The following HVCN1 variants were observed in gnomAD, a reference collection of about 807,000 sequenced individuals.
HVCN1 encodes the protein hydrogen voltage gated channel 1.
HVCN1 carries 14 observed loss-of-function variants against 29.2 expected under a neutral mutation model. The ratio of observed to expected loss-of-function variants is 0.48; its 90% CI spans 0.32 to 0.75. The LOEUF is 0.75. Ranked by LOEUF, HVCN1 falls within the 30% of genes least tolerant of loss-of-function variation. HVCN1 has a pLI of 0.04. For synonymous variants in HVCN1, 131 were observed against 133.2 expected, an observed-to-expected ratio of 0.98 and a Z score of 0.11; for missense variants, 263 against 341.8, an observed-to-expected ratio of 0.77 and a Z score of 1.82.
At chr12:110,649,818 C>G (rs1341836226) in intron 7 of HVCN1, among the ~76,000 whole-genome samples, 2 of 151,554 alleles carry the variant, frequency 1.3e-5, no homozygotes, top group Non-Finnish European at 2.9e-5. Context: ...CTGCTGCAGG[C>G]GGGTGCTGCG....
At chr12:110,652,678 C>T (rs2067851865) in intron 5 of HVCN1, among the ~76,000 whole-genome samples, 1 of 152,184 alleles carries the variant, frequency 6.6e-6, no homozygotes, top group South Asian at 2.1e-4. Context: ...TACATACACA[C>T]ATGGGAAAAC....
Position 110,649,168 on chromosome 12 carries a change from A to C in HVCN1, c.*242T>G. ...GTTGCTCATTTTCAATTAAGGCTAAAGTGTTCAACATGAGAAAATGTGATA... is the reference window on the plus strand; with the variant it reads ...GTTGCTCATTTTCAATTAAGGCTAACGTGTTCAACATGAGAAAATGTGATA... On this transcript the variant is annotated 3_prime_UTR_variant, in exon 8 of 8. Transcript: ENST00000242607. 1 of 681,798 alleles carries C rather than the reference A, an allele frequency of 1.5e-6. No homozygotes were observed. The highest frequency in any genetic ancestry group is 2.7e-6 in the Non-Finnish European group (1 of 377,014). The allele number at this position is 681,798 out of a possible 1,614,324, so 42.2% of individuals were successfully genotyped here. A position where few individuals can be genotyped will look rare whatever the true frequency, so the allele number is the denominator to read the frequency against.
chr12:110,670,249 A>T (rs2068528230), intron 3 of HVCN1, among the ~76,000 whole-genome samples: 1 of 152,090 alleles, frequency 6.6e-6, no homozygotes, highest in Non-Finnish European at 1.5e-5. Flanking sequence ...CATCTGTGGG[A>T]GGGGGAAAGT....
Position 110,661,420 on chromosome 12 carries a change from G to T in HVCN1, c.50C>A (p.Pro17His). The change falls in exon 4 of 8, where the codon CCC becomes CAC. Residue 17 changes from proline to histidine, a missense_variant. Physicochemically the swap from Pro to His is moderately conservative, Grantham distance 77. Transcript: ENST00000242607. This position sits in a 1 kb window ranked among gnomAD's most constrained non-coding sequence, Gnocchi z 6.2. ...TAAGAACTTGCTCATCCTCTCAGCG[G>T]GAGCCACCTTGGCCCTGCGGGTGAC... ...KAVTRRAKVA[P>H]AERMSKFLRH... 4 of 1,614,202 alleles carry T rather than the reference G, an allele frequency of 2.5e-6. No individual in the cohort carries two copies.
chr12:110,668,701 G>A (rs2068456819), intron 3 of HVCN1, among the ~76,000 whole-genome samples: 3 of 152,162 alleles, frequency 2.0e-5, no homozygotes, highest in Admixed American at 6.5e-5. Context: ...TACAGGTGGA[G>A]TTGCTGATGC....
rs1052663607 is a variant in HVCN1 at position 110,671,882 on chromosome 12, G to A, written c.22-10434C>T. 5.3e-5 allele frequency among the ~76,000 whole-genome samples: 8 copies of A among 152,278 alleles called. No homozygotes were observed. In the South Asian group the frequency reaches 1.0e-3, roughly 20 times the overall value. On this transcript the variant is annotated intron_variant, in intron 3 of 7. Coordinates refer to ENST00000242607, the MANE Select transcript of HVCN1 (RefSeq NM_032369.4). ...TGAAGTCTCTCCATTTTGCACAAGG[G>A]CAAACTGAGGCCTGGGGAGGCGAGA...
chr12:110,657,106 G>C (rs550831717), intron 4 of HVCN1, among the ~76,000 whole-genome samples: 2 of 152,244 alleles, frequency 1.3e-5, no homozygotes, highest in Admixed American at 1.3e-4. Flanking sequence ...TCCAGAAATG[G>C]CAAATCCAGA....
chr12:110,663,592 A>C (rs1291715087), intron 3 of HVCN1, among the ~76,000 whole-genome samples: 1 of 149,460 alleles, frequency 6.7e-6, no homozygotes, highest in Non-Finnish European at 1.5e-5. Flanking sequence ...TGTCTCAAAA[A>C]AAAAAAAAAA....
chr12:110,688,804 C>T (rs28720928), intron 1 of HVCN1, 96 bp from the exon 2 acceptor site: 17,412 of 152,504 alleles, frequency 0.11, 1,084 homozygotes, highest in African/African-American at 0.17. Flanking sequence ...ACCACCAACT[C>T]TCCGGGATCG....
Position 110,648,793 on chromosome 12 carries a change from A to G in HVCN1, c.*617T>C, listed in dbSNP as rs996026881. On this transcript the variant is annotated 3_prime_UTR_variant, in exon 8 of 8. Transcript: ENST00000242607. ...CAGTAGGAGGGTCCAGGGAAAAGAG[A>G]GAGTTTATTTTATACAGTAGTTGTT... 3.3e-6 allele frequency: 1 copy of G among 307,244 alleles called. No homozygotes were observed. The highest frequency in any genetic ancestry group is 6.2e-6 in the Non-Finnish European group (1 of 161,746). The allele number at this position is 307,244 out of a possible 1,614,324, so 19.0% of individuals were successfully genotyped here.
At chr12:110,669,482 C>T (rs2068494612) in intron 3 of HVCN1, among the ~76,000 whole-genome samples, 1 of 152,184 alleles carries the variant, frequency 6.6e-6, no homozygotes, top group Non-Finnish European at 1.5e-5. Context: ...TCCTAGCACC[C>T]TGCCTCTGCC....
At position 110,670,753 on chromosome 12, in the gene HVCN1, C is replaced by A. The variant is rs190868748; in HGVS notation, c.22-9305G>T. ...GTGGAGTAGGTGGAATTGTGCACACCCCCCTAACAATTCCTGTCCCCCTGG... is the reference window on the plus strand; with the variant it reads ...GTGGAGTAGGTGGAATTGTGCACACACCCCTAACAATTCCTGTCCCCCTGG... On this transcript the variant is annotated intron_variant, in intron 3 of 7. Coordinates refer to ENST00000242607, the MANE Select transcript of HVCN1 (RefSeq NM_032369.4). Among the ~76,000 whole-genome samples the A allele has an allele frequency of 3.9e-4, 60 of 152,096 alleles. No individual in the cohort carries two copies. The South Asian group carries it at 9.1e-3, about 23-fold the overall frequency.
At chr12:110,695,082 C>T (rs958203033) in intron 2 of HVCN1, among the ~76,000 whole-genome samples, 1 of 152,042 alleles carries the variant, frequency 6.6e-6, no homozygotes, top group Non-Finnish European at 1.5e-5. Context: ...GGGAGGCACA[C>T]AAATACTAAA....
intron 3 of HVCN1, among the ~76,000 whole-genome samples, chr12:110,679,513 C>T (rs1298554144): frequency 6.6e-6 from 1 of 152,210 alleles, no homozygotes; most frequent in Non-Finnish European, 1.5e-5. Context: ...CTTGTTTAAC[C>T]CTCACCTCAA....
At chr12:110,678,546 G>T (rs564998241) in intron 3 of HVCN1, among the ~76,000 whole-genome samples, 2 of 145,840 alleles carry the variant, frequency 1.4e-5, no homozygotes, top group Non-Finnish European at 3.0e-5. Flanking sequence ...AACGTCCTGG[G>T]CTCAAGAGAT....
chr12:110,650,578 A>G (rs1461603133), intron 6 of HVCN1, among the ~76,000 whole-genome samples: 1 of 152,212 alleles, frequency 6.6e-6, no homozygotes, highest in African/African-American at 2.4e-5. Context: ...TGGGTGCACA[A>G]CAGCGGTGTC....
intron 3 of HVCN1, among the ~76,000 whole-genome samples, chr12:110,663,092 G>A (rs754701207): frequency 4.6e-5 from 7 of 152,078 alleles, no homozygotes; most frequent in African/African-American, 9.7e-5. Context: ...ATCAAATATC[G>A]GTGAGGGCGT....
rs1459774659 is a variant in HVCN1 at position 110,656,024 on chromosome 12, C to T, written c.307-686G>A. ...CCAGGCAAGTTTGTATTTTTCTGTT[C>T]CTGGGGACTGCTGTTGCTGGGGTGC... On this transcript the variant is annotated intron_variant, in intron 4 of 7. Coordinates refer to ENST00000242607, the MANE Select transcript of HVCN1 (RefSeq NM_032369.4). 2.0e-5 allele frequency among the ~76,000 whole-genome samples: 3 copies of T among 152,102 alleles called. No individual in the cohort carries two copies. The East Asian group carries it at 5.8e-4, about 29-fold the overall frequency.
In HVCN1 at chr12:110,664,533, A is replaced by G. The variant is rs995014753; in HGVS notation, c.22-3085T>C. Among the ~76,000 whole-genome samples, 21 of 152,224 alleles carry G rather than the reference A, an allele frequency of 1.4e-4. 1 individual carries two copies. The highest frequency in any genetic ancestry group is 4.6e-4 in the African/African-American group (19 of 41,472). On this transcript the variant is annotated intron_variant, in intron 3 of 7. Transcript: ENST00000242607. ...TACACTCTAGAGTAACTAGTAACAG[A>G]TTATCCCTCCTGCCATAACCAATTA...
Sources: gnomAD v4.1 joint callset for allele counts (sites outside exome capture counted in the v4.1 genomes callset) on GRCh38, gnomAD v4.1.1 for gene constraint, Gnocchi (gnomAD v3.1) non-coding constraint, MANE v1.5 for transcripts, NCBI Gene and HGNC (gene_info 2026-07-23, HGNC 2026-07-21) for gene names.